Variants in DENND2C observed in about 807,000 individuals in gnomAD.
The protein encoded by DENND2C is DENN domain-containing protein 2C.
In DENND2C, 72 loss-of-function variants were observed where a neutral mutation model predicts 112.4. The ratio of observed to expected loss-of-function variants is 0.64; its 90% CI spans 0.53 to 0.78. The LOEUF is 0.78. Among genes scored for constraint, DENND2C ranks in the 30% least tolerant of loss-of-function variants. The probability of loss-of-function intolerance (pLI) is 0.00; values close to 1 mark genes in which losing one functional copy is unlikely to be tolerated. For missense variants in DENND2C, 992 were observed against 1,113.8 expected, an observed-to-expected ratio of 0.89 and a Z score of 1.56; for synonymous variants, 329 against 381.6, an observed-to-expected ratio of 0.86 and a Z score of 1.61.
chr1:114,622,050 G>A lies in DENND2C; in HGVS notation c.1072C>T (p.Gln358Ter). Residue 358 changes from glutamine (Q) to a stop codon, truncating the protein, a stop_gained, in exon 7 of 21, where the codon CAG becomes TAG. Transcript: ENST00000393274. LOFTEE classifies it high-confidence loss of function. Reference sequence around the variant, plus strand: ...TCCATAGTCTTCCGGTGAAGGAACTGAGGTTTTGGAGGGAGCTAAAACAGG... The same window carrying A: ...TCCATAGTCTTCCGGTGAAGGAACTAAGGTTTTGGAGGGAGCTAAAACAGG... ...FKAPKLPPKP[Q>*]FLHRKTMEVK... 6.5e-7 allele frequency: 1 copy of A among 1,540,680 alleles called. No individual in the cohort carries two copies. Among genetic ancestry groups the A allele is most frequent in the Non-Finnish European group, 8.7e-7 (1 of 1,143,606 alleles).
chr1:114,630,159 G>A (rs964173851), intron 3 of DENND2C, among the ~76,000 whole-genome samples: 1 of 151,990 alleles, frequency 6.6e-6, no homozygotes, highest in African/African-American at 2.4e-5. Context: ...CTAAAAATTA[G>A]CTGGGCATGG....
intron 7 of DENND2C, among the ~76,000 whole-genome samples, chr1:114,619,882 T>C (rs2101662283): frequency 6.6e-6 from 1 of 152,322 alleles, no homozygotes; most frequent in Non-Finnish European, 1.5e-5. Context: ...TGTCATGAGC[T>C]AGGAAGAAGA....
In DENND2C at chr1:114,602,114, C is replaced by G. The variant is rs1404562762; in HGVS notation, c.1737+11G>C. ...GACCAACCCTGTCTGTAACACAAAT[C>G]TGATACTTACCAAGAGCTTCTTACA... On this transcript the variant is annotated intron_variant, in intron 12 of 20. Transcript: ENST00000393274. 6.2e-7 allele frequency: 1 copy of G among 1,613,642 alleles called. No homozygotes were observed. The highest frequency in any genetic ancestry group is 8.5e-7 in the Non-Finnish European group (1 of 1,179,738).
intron 3 of DENND2C, among the ~76,000 whole-genome samples, chr1:114,637,619 CA>C (rs2101678037): frequency 6.6e-6 from 1 of 151,454 alleles, no homozygotes; most frequent in South Asian, 2.1e-4. Context: ...CGGGTTCAAG[CA>C]ATTCTTGTGC....
chr1:114,608,731 T>C lies in DENND2C; in HGVS notation c.1512A>G (p.Ser504=), dbSNP rs1204959823. 6.2e-7 allele frequency: 1 copy of C among 1,614,190 alleles called. No homozygotes were observed. Among genetic ancestry groups the C allele is most frequent in the South Asian group, 1.1e-5 (1 of 91,076 alleles). The change falls in exon 10 of 21, where the codon TCA becomes TCG. Residue 504 remains serine (S), a synonymous_variant. Transcript: ENST00000393274. ...TGACCTGGGGAATATAGCTTATTCC[T>C]GATGGTTTCTTCTGTAGAGACACCA... ...FVVVSLQKKP[S]GISYIPQVIQ...
chr1:114,656,773 T>A (rs1657341279), intron 1 of DENND2C, among the ~76,000 whole-genome samples: 1 of 151,468 alleles, frequency 6.6e-6, no homozygotes. Context: ...ATTGCTGGGT[T>A]ATAGAATAGG....
intron 3 of DENND2C, among the ~76,000 whole-genome samples, chr1:114,644,472 C>A (rs77225172): frequency 6.6e-6 from 1 of 152,192 alleles, no homozygotes; most frequent in Non-Finnish European, 1.5e-5. Context: ...AAAAGGCTTA[C>A]GAAAAATCTG....
chr1:114,588,142 C>A (rs943610370), intron 18 of DENND2C, among the ~76,000 whole-genome samples, 190 bp from the exon 19 acceptor site: 7 of 152,178 alleles, frequency 4.6e-5, no homozygotes, highest in Non-Finnish European at 1.0e-4. Context: ...CTACCCTTCC[C>A]TTCATTTTCT....
At chr1:114,631,379 T>TA (rs907432617) in intron 3 of DENND2C, among the ~76,000 whole-genome samples, 6 of 150,766 alleles carry the variant, frequency 4.0e-5, no homozygotes, top group East Asian at 2.0e-4. Flanking sequence ...AAAAATAAAT[T>TA]AAAAAAAATA....
At chr1:114,595,774 A>G (rs1199386246) in intron 17 of DENND2C, 58 bp downstream of exon 17, 2 of 1,471,364 alleles carry the variant, frequency 1.4e-6, no homozygotes, top group East Asian at 2.3e-5. Context: ...TGTCTGTCCA[A>G]TTATCTACAG....
chr1:114,641,621 C>T (rs1220332638), intron 3 of DENND2C, among the ~76,000 whole-genome samples: 1 of 152,112 alleles, frequency 6.6e-6, no homozygotes, highest in Non-Finnish European at 1.5e-5. Flanking sequence ...CACTTTCCAC[C>T]ATGATTGTAA....
chr1:114,660,049 C>T lies in DENND2C; in HGVS notation c.-573-5288G>A, dbSNP rs187837188. Among the ~76,000 whole-genome samples, 3 of 152,264 alleles carry T rather than the reference C, an allele frequency of 2.0e-5. No individual in the cohort carries two copies. In the East Asian group the frequency reaches 5.8e-4, roughly 29 times the overall value. ...CAAGTGATACTCCAGCCTCAGCCTT[C>T]CAAGTGCTGGGATTAAAGGCATGAG... On this transcript the variant is annotated intron_variant, in intron 1 of 20. Transcript: ENST00000393274.
At chr1:114,603,067 T>C (rs776840642) in intron 11 of DENND2C, among the ~76,000 whole-genome samples, 2 of 152,270 alleles carry the variant, frequency 1.3e-5, no homozygotes, top group South Asian at 2.1e-4. Flanking sequence ...GCAAAAGATA[T>C]GTGTTGATAA....
At chr1:114,586,928 G>C in intron 20 of DENND2C, 1 of 146,592 alleles carries the variant, frequency 6.8e-6, no homozygotes, top group South Asian at 2.1e-4. Context: ...ACAGAATTTT[G>C]CTCTTGTTGC....
At chr1:114,666,833 C>T (rs1409211755) in intron 1 of DENND2C, among the ~76,000 whole-genome samples, 1 of 152,192 alleles carries the variant, frequency 6.6e-6, no homozygotes, top group Non-Finnish European at 1.5e-5. Flanking sequence ...GTACCTTTAA[C>T]ACCATATTTT....
At chr1:114,618,337 C>A in intron 8 of DENND2C, 49 bp downstream of exon 8, 1 of 1,357,442 alleles carries the variant, frequency 7.4e-7, no homozygotes, top group South Asian at 1.4e-5. Context: ...TGATTCTCCT[C>A]TCATATCCTG....
chr1:114,662,368 C>A (rs1657520035), intron 1 of DENND2C, among the ~76,000 whole-genome samples: 1 of 152,114 alleles, frequency 6.6e-6, no homozygotes, highest in Non-Finnish European at 1.5e-5. Context: ...CTCTCTCTCC[C>A]CCACCAATCT....
chr1:114,638,762 CAAAAAAA>C (rs35740017), intron 3 of DENND2C, among the ~76,000 whole-genome samples: 1 of 84,164 alleles, frequency 1.2e-5, no homozygotes, highest in Non-Finnish European at 2.3e-5. Flanking sequence ...GACCTTGTCT[CAAAAAAA>C]AAAAAAAAAA....
intron 3 of DENND2C, among the ~76,000 whole-genome samples, chr1:114,639,865 T>A (rs1000552459): frequency 1.3e-5 from 2 of 152,092 alleles, no homozygotes; most frequent in Non-Finnish European, 2.9e-5. Context: ...ACTGCCTTTT[T>A]AATTCTATCA....
Sources: gnomAD v4.1 joint callset for allele counts (sites outside exome capture counted in the v4.1 genomes callset) on GRCh38, gnomAD v4.1.1 for gene constraint, MANE v1.5 for transcripts, NCBI Gene and HGNC (gene_info 2026-07-23, HGNC 2026-07-21) for gene names.